Variants in MOB3B observed in about 807,000 individuals in gnomAD.
The protein encoded by MOB3B is MOB kinase activator-like 2B.
In MOB3B, 7 loss-of-function variants were observed where a neutral mutation model predicts 18.7. That is an observed-to-expected ratio of 0.37 (90% CI 0.21 to 0.70). The LOEUF is 0.70. Among genes scored for constraint, MOB3B ranks in the 30% least tolerant of loss-of-function variants. The probability of loss-of-function intolerance (pLI) is 0.52; values close to 1 mark genes in which losing one functional copy is unlikely to be tolerated. For synonymous variants in MOB3B, 111 were observed against 99.9 expected, an observed-to-expected ratio of 1.11 and a Z score of -0.66; for missense variants, 253 against 281.3, an observed-to-expected ratio of 0.90 and a Z score of 0.72.
chr9:27,355,567 T>C (rs1821177463), intron 3 of MOB3B, among the ~76,000 whole-genome samples: 1 of 151,024 alleles, frequency 6.6e-6, no homozygotes, highest in African/African-American at 2.4e-5. Context: ...TTCTTCTTTT[T>C]TTTTTTTTTT....
intron 1 of MOB3B, among the ~76,000 whole-genome samples, chr9:27,462,058 A>T (rs1040547275): frequency 1.3e-5 from 2 of 152,184 alleles, no homozygotes; most frequent in African/African-American, 4.8e-5. Context: ...AATGACAAAG[A>T]TGAAGACCTT....
At chr9:27,457,259 G>A (rs918967777) in intron 1 of MOB3B, among the ~76,000 whole-genome samples, 6 of 152,200 alleles carry the variant, frequency 3.9e-5, no homozygotes, top group Admixed American at 1.3e-4. Context: ...TAGATTGGTC[G>A]GAGGTGAAGG....
chr9:27,360,179 CT>C (rs1167341926), intron 2 of MOB3B, among the ~76,000 whole-genome samples: 1 of 152,158 alleles, frequency 6.6e-6, no homozygotes, highest in African/African-American at 2.4e-5. Flanking sequence ...CCTCCCTTTT[CT>C]CTACAAGGTA....
At chr9:27,381,556 A>C (rs1821577773) in intron 2 of MOB3B, among the ~76,000 whole-genome samples, 1 of 152,086 alleles carries the variant, frequency 6.6e-6, no homozygotes, top group South Asian at 2.1e-4. Flanking sequence ...TGTAACGGCA[A>C]CACCAGTCAT....
intron 1 of MOB3B, among the ~76,000 whole-genome samples, chr9:27,504,241 C>G (rs1399564188): frequency 6.6e-6 from 1 of 152,188 alleles, no homozygotes. Context: ...GTCCCCCAGT[C>G]CAGTGATAAC....
intron 1 of MOB3B, among the ~76,000 whole-genome samples, chr9:27,513,522 A>G (rs887254340): frequency 2.0e-5 from 3 of 152,166 alleles, no homozygotes; most frequent in African/African-American, 2.4e-5. Flanking sequence ...GCCAGTCCCA[A>G]CCTATCCTAG....
At chr9:27,426,676 C>A (rs1411722) in intron 2 of MOB3B, among the ~76,000 whole-genome samples, 1 of 151,964 alleles carries the variant, frequency 6.6e-6, no homozygotes, top group Admixed American at 6.6e-5. Flanking sequence ...TAATACATGA[C>A]ACTGTCCCCC....
At chr9:27,485,468 A>G (rs1012316803) in intron 1 of MOB3B, among the ~76,000 whole-genome samples, 5 of 152,320 alleles carry the variant, frequency 3.3e-5, no homozygotes, top group South Asian at 4.1e-4. Flanking sequence ...CTGTCTCCCA[A>G]TCACAAAGCC....
At chr9:27,379,340 TA>T (rs1821539591) in intron 2 of MOB3B, among the ~76,000 whole-genome samples, 1 of 152,202 alleles carries the variant, frequency 6.6e-6, no homozygotes, top group South Asian at 2.1e-4. Context: ...TCTGAAATTC[TA>T]TGACTTGAGT....
chr9:27,342,843 T>C (rs956870251), intron 3 of MOB3B, among the ~76,000 whole-genome samples: 5 of 151,282 alleles, frequency 3.3e-5, no homozygotes, highest in African/African-American at 1.2e-4. Context: ...CCGCCTGCCT[T>C]GGCCTCCCAA....
At chr9:27,372,556 A>G (rs756973631) in intron 2 of MOB3B, among the ~76,000 whole-genome samples, 10 of 152,214 alleles carry the variant, frequency 6.6e-5, no homozygotes, top group Admixed American at 1.3e-4. Context: ...CAAGGTTAAC[A>G]TCAACAGTGA....
intron 1 of MOB3B, among the ~76,000 whole-genome samples, chr9:27,459,270 C>T (rs962593712): frequency 3.3e-5 from 5 of 152,146 alleles, no homozygotes; most frequent in African/African-American, 7.2e-5. Context: ...TAGAACAGTG[C>T]TTAGCCAATG....
At position 27,499,782 on chromosome 9, in the gene MOB3B, A is replaced by C. The variant is rs1819961044; in HGVS notation, c.-199+29773T>G. On this transcript the variant is annotated intron_variant, in intron 1 of 3. Coordinates refer to ENST00000262244, the MANE Select transcript of MOB3B (RefSeq NM_024761.5). ...TTTTTCTGCACTAGTACAGAAAAAC[A>C]ATGTATCTAATACTGAAGGATCTGA... Among the ~76,000 whole-genome samples the C allele has an allele frequency of 6.6e-5, 10 of 152,302 alleles. No homozygotes were observed. The South Asian group carries it at 1.9e-3, about 28-fold the overall frequency.
intron 2 of MOB3B, among the ~76,000 whole-genome samples, chr9:27,368,881 A>C (rs968527827): frequency 2.0e-5 from 3 of 152,066 alleles, no homozygotes; most frequent in African/African-American, 7.2e-5. Context: ...CCTGAGCGCC[A>C]CTTCTGAGTT....
intron 2 of MOB3B, chr9:27,378,206 T>C (rs1821519495): frequency 5.5e-6 from 2 of 365,176 alleles, no homozygotes; most frequent in African/African-American, 4.2e-5. Context: ...TGCATTTCTC[T>C]TTCTGACCTA....
At chr9:27,480,302 ATT>A (rs371803996) in intron 1 of MOB3B, among the ~76,000 whole-genome samples, 6 of 141,000 alleles carry the variant, frequency 4.3e-5, no homozygotes, top group Admixed American at 7.1e-5. Flanking sequence ...ATGCCCAGCT[ATT>A]TTTTTTTTTT....
intron 1 of MOB3B, among the ~76,000 whole-genome samples, chr9:27,495,341 A>T (rs1819879631): frequency 1.3e-5 from 2 of 152,056 alleles, no homozygotes; most frequent in Non-Finnish European, 2.9e-5. Context: ...AAAATAAATA[A>T]ATAAATAGAT....
At chr9:27,388,436 T>C (rs1821677208) in intron 2 of MOB3B, among the ~76,000 whole-genome samples, 1 of 152,198 alleles carries the variant, frequency 6.6e-6, no homozygotes, top group Non-Finnish European at 1.5e-5. Context: ...GAAATGTCTA[T>C]ATATACTAGG....
chr9:27,384,369 T>C (rs571963763), intron 2 of MOB3B, among the ~76,000 whole-genome samples: 27 of 152,288 alleles, frequency 1.8e-4, no homozygotes, highest in Admixed American at 5.9e-4. Context: ...AGCTGACCTC[T>C]GATGGCATTT....
Sources: gnomAD v4.1 joint callset for allele counts (sites outside exome capture counted in the v4.1 genomes callset) on GRCh38, gnomAD v4.1.1 for gene constraint, MANE v1.5 for transcripts, NCBI Gene and HGNC (gene_info 2026-07-23, HGNC 2026-07-21) for gene names.